The following USP32 variants were observed in gnomAD, a reference collection of about 807,000 sequenced individuals.
The protein encoded by USP32 is ubiquitin specific peptidase 32, also known as ubiquitin carboxyl-terminal hydrolase 32.
In USP32, 59 loss-of-function variants were observed where a neutral mutation model predicts 204.8. The ratio of observed to expected loss-of-function variants is 0.29; its 90% CI spans 0.23 to 0.36. The LOEUF is 0.36. Ranked by LOEUF, USP32 falls within the 10% of genes least tolerant of loss-of-function variation. The probability of loss-of-function intolerance (pLI) is 1.00; values close to 1 mark genes in which losing one functional copy is unlikely to be tolerated. For synonymous variants in USP32, 517 were observed against 678.4 expected, an observed-to-expected ratio of 0.76 and a Z score of 3.70; for missense variants, 1,160 against 1,946.4, an observed-to-expected ratio of 0.60 and a Z score of 7.60.
At chr17:60,421,270 C>A (rs2090110348) in intron 1 of USP32, 1 of 760,226 alleles carries the variant, frequency 1.3e-6, no homozygotes, top group Non-Finnish European at 1.6e-6. Context: ...ACAACAATAA[C>A]AACAAGACGT....
intron 26 of USP32, among the ~76,000 whole-genome samples, chr17:60,202,282 C>G (rs189540043): frequency 6.6e-6 from 1 of 152,104 alleles, no homozygotes; most frequent in South Asian, 2.1e-4. Context: ...TTTTCTTGTA[C>G]CAATATGACA....
intron 2 of USP32, among the ~76,000 whole-genome samples, chr17:60,338,074 AG>A (rs1478685384): frequency 1.3e-5 from 2 of 152,218 alleles, no homozygotes; most frequent in African/African-American, 4.8e-5. Context: ...CTTGTAATCC[AG>A]TCCCCTGGGA....
intron 1 of USP32, among the ~76,000 whole-genome samples, chr17:60,358,833 A>G (rs2089144590): frequency 6.6e-6 from 1 of 152,232 alleles, no homozygotes; most frequent in Admixed American, 6.5e-5. Flanking sequence ...AAGAAAATAT[A>G]GCTTAGTCTA....
chr17:60,420,149 A>T, intron 1 of USP32, among the ~76,000 whole-genome samples: 1 of 144,180 alleles, frequency 6.9e-6, no homozygotes, highest in African/African-American at 2.6e-5. Context: ...TTGTATTTTT[A>T]GTAGAGACTA....
At chr17:60,189,767 C>G in intron 29 of USP32, among the ~76,000 whole-genome samples, 1 of 152,188 alleles carries the variant, frequency 6.6e-6, no homozygotes, top group Non-Finnish European at 1.5e-5. Context: ...ATCACTCTGC[C>G]TATTAAAGGC....
intron 9 of USP32, among the ~76,000 whole-genome samples, chr17:60,259,448 G>T (rs1450480084): frequency 6.6e-6 from 1 of 151,792 alleles, no homozygotes; most frequent in Non-Finnish European, 1.5e-5. Context: ...ATATACGTGT[G>T]AGCGCGCCCT....
chr17:60,262,854 A>C (rs926452729), intron 9 of USP32, among the ~76,000 whole-genome samples: 2 of 152,134 alleles, frequency 1.3e-5, no homozygotes, highest in African/African-American at 4.8e-5. Flanking sequence ...TAATTAACTA[A>C]TTATTAAAGT....
intron 27 of USP32, among the ~76,000 whole-genome samples, chr17:60,195,095 AG>A: frequency 6.6e-6 from 1 of 152,364 alleles, no homozygotes; most frequent in Non-Finnish European, 1.5e-5. Flanking sequence ...CACTAGAATC[AG>A]GTGAGAGCTA....
intron 29 of USP32, among the ~76,000 whole-genome samples, chr17:60,190,305 T>A (rs1004219515): frequency 6.6e-6 from 1 of 152,166 alleles, no homozygotes; most frequent in Non-Finnish European, 1.5e-5. Context: ...CCTCTTTTCT[T>A]TACAAGTTAC....
intron 27 of USP32, among the ~76,000 whole-genome samples, chr17:60,197,946 C>T (rs2084566752): frequency 6.6e-6 from 1 of 152,144 alleles, no homozygotes; most frequent in African/African-American, 2.4e-5. Context: ...ATACAAATTT[C>T]CTGGTGAATT....
At chr17:60,315,801 G>A (rs2087961730) in intron 2 of USP32, 1 of 152,320 alleles carries the variant, frequency 6.6e-6, no homozygotes. Context: ...TGCAGAGGGA[G>A]CTGAAGAATA....
chr17:60,307,481 A>C (rs1386373997), intron 2 of USP32, among the ~76,000 whole-genome samples: 1 of 152,220 alleles, frequency 6.6e-6, no homozygotes, highest in African/African-American at 2.4e-5. Flanking sequence ...TATCAATGAC[A>C]TTCTTCATAG....
chr17:60,197,051 A>G (rs1158515676), intron 27 of USP32, among the ~76,000 whole-genome samples: 1 of 150,030 alleles, frequency 6.7e-6, no homozygotes. Flanking sequence ...TGTGGTTACG[A>G]GCATCTGTAA....
At chr17:60,179,562 C>T in intron 33 of USP32, 134 bp from the exon 34 acceptor site, 3 of 1,112,348 alleles carry the variant, frequency 2.7e-6, no homozygotes, top group East Asian at 2.5e-5. Flanking sequence ...GTTTGGCTGT[C>T]TCACACCTGC....
intron 4 of USP32, among the ~76,000 whole-genome samples, chr17:60,291,027 T>C (rs1481001351): frequency 2.6e-5 from 4 of 152,156 alleles, no homozygotes; most frequent in Admixed American, 6.5e-5. Context: ...AATTTAATCT[T>C]CAAAACACTC....
chr17:60,306,554 C>G (rs957626693), intron 2 of USP32, among the ~76,000 whole-genome samples: 3 of 152,010 alleles, frequency 2.0e-5, no homozygotes, highest in African/African-American at 7.3e-5. Context: ...AGGAGAATCA[C>G]TTGAACCCGG....
rs190605042 is a variant in USP32 at position 60,386,121 on chromosome 17, T to C, written c.58+5761A>G. On this transcript the variant is annotated intron_variant, in intron 1 of 33. Coordinates refer to ENST00000300896, the MANE Select transcript of USP32 (RefSeq NM_032582.4). ...CCAGGCTTTTGTGCCAATAATTAAC[T>C]ACATACCTCTAACTTCCAAGAGTTC... Among the ~76,000 whole-genome samples, 202 of 152,188 alleles carry C rather than the reference T, an allele frequency of 1.3e-3. 1 individual carries two copies. Among genetic ancestry groups the C allele is most frequent in the African/African-American group, 4.5e-3 (188 of 41,546 alleles).
intron 5 of USP32, among the ~76,000 whole-genome samples, chr17:60,287,300 A>G (rs1366456481): frequency 6.6e-6 from 1 of 152,194 alleles, no homozygotes; most frequent in Non-Finnish European, 1.5e-5. Flanking sequence ...AAATCTGTCT[A>G]CCTATCTATG....
chr17:60,306,929 TA>T (rs1211217311), intron 2 of USP32, among the ~76,000 whole-genome samples: 1 of 152,056 alleles, frequency 6.6e-6, no homozygotes, highest in Non-Finnish European at 1.5e-5. Context: ...TAATCCAAGT[TA>T]AAATAGCTAC....
Sources: gnomAD v4.1 joint callset for allele counts (sites outside exome capture counted in the v4.1 genomes callset) on GRCh38, gnomAD v4.1.1 for gene constraint, MANE v1.5 for transcripts, NCBI Gene and HGNC (gene_info 2026-07-23, HGNC 2026-07-21) for gene names.